Variants in FAT3 observed in about 807,000 individuals in gnomAD.
FAT3 encodes protocadherin Fat 3.
A neutral mutation model predicts 310.2 loss-of-function variants in FAT3; 95 were observed. That is an observed-to-expected ratio of 0.31 (90% CI 0.26 to 0.36). FAT3 has a LOEUF of 0.36. Among genes scored for constraint, FAT3 ranks in the 10% least tolerant of loss-of-function variants. The pLI is 1.00. For missense variants in FAT3, 5,408 were observed against 5,715.6 expected (o/e 0.95, Z 1.74); for synonymous variants, 2,314 against 2,192.9 (o/e 1.06, Z -1.54).
rs369227298 is a variant in FAT3 at position 92,799,663 on chromosome 11, G to T, written c.6650G>T (p.Gly2217Val). The T allele has an allele frequency of 3.7e-6, 6 of 1,613,534 alleles. No homozygotes were observed. The African/African-American group carries it at 4.0e-5, about 11-fold the overall frequency. The change falls in exon 10 of 28, where the codon GGC (glycine) becomes GTC (valine). Residue 2217 changes from glycine (G) to valine (V), a missense_variant. By Grantham distance (109) the Gly-to-Val change is moderately radical (BLOSUM62 -3). Around this residue, in one of 5 missense-constraint regions of FAT3, gnomAD observed 4,588 missense variants for 4,809.8 expected, o/e 0.95. Transcript: ENST00000525166. ...AATGCCACCAGTCCAGAAGGCCAAG[G>T]CATCATATATATCATTATCGATGGG... ...SINATSPEGQ[G>V]IIYIIIDGDP...
chr11:92,748,302 T>C (rs1945733342), intron 4 of FAT3, among the ~76,000 whole-genome samples: 1 of 152,130 alleles, frequency 6.6e-6, no homozygotes, highest in African/African-American at 2.4e-5. Context: ...GAGAACAGTA[T>C]GGGGAAAACC....
chr11:92,710,522 G>T (rs149739333), intron 4 of FAT3, among the ~76,000 whole-genome samples: 4 of 152,184 alleles, frequency 2.6e-5, no homozygotes, highest in African/African-American at 9.7e-5. Context: ...AGACATAACC[G>T]CAGCAGACAG....
Position 92,229,492 on chromosome 11 carries a change from G to GTTTTTTTT in FAT3, c.-18+4325_-18+4332dup, listed in dbSNP as rs780129800. Among the ~76,000 whole-genome samples, 90 of 60,202 alleles carry GTTTTTTTT rather than the reference G, an allele frequency of 1.5e-3. 5 individuals carry two copies. Among genetic ancestry groups the GTTTTTTTT allele is most frequent in the African/African-American group, 4.9e-3 (82 of 16,828 alleles). The allele number at this position is 60,202 out of a possible 152,430, so 39.5% of individuals were successfully genotyped here. On this transcript the variant is annotated intron_variant, in intron 1 of 27. Transcript: ENST00000525166. ...TTGTTTTCTTTTTTTGTTTTTTCGT[G>GTTTTTTTT]TTTTTTTTTTTTTTGTTTTTTGTTT...
intron 3 of FAT3, among the ~76,000 whole-genome samples, chr11:92,660,685 C>G (rs1240597644): frequency 6.6e-6 from 1 of 152,176 alleles, no homozygotes; most frequent in Non-Finnish European, 1.5e-5. Flanking sequence ...CTCTGGGTCT[C>G]TCATGCTGTG....
intron 2 of FAT3, among the ~76,000 whole-genome samples, chr11:92,449,362 G>A (rs1257871994): frequency 2.0e-5 from 3 of 152,098 alleles, no homozygotes; most frequent in African/African-American, 7.2e-5. Context: ...TCCTCACTTG[G>A]CCCCCTGACC....
chr11:92,488,891 A>T (rs112050015), intron 2 of FAT3, among the ~76,000 whole-genome samples: 1 of 152,086 alleles, frequency 6.6e-6, no homozygotes, highest in African/African-American at 2.4e-5. Flanking sequence ...TAACCTTTCT[A>T]TGTCTCCATT....
At position 92,530,815 on chromosome 11, in the gene FAT3, C is replaced by T. The variant is rs57436248; in HGVS notation, c.3607+5867C>T. On this transcript the variant is annotated intron_variant, in intron 3 of 27. Coordinates refer to ENST00000525166, the MANE Select transcript of FAT3 (RefSeq NM_001367949.2). ...TTAAGCCTTGTGTTTATGCACAGTT[C>T]CATGTGGTGGTAATCTGCTTAGAAA... Among the ~76,000 whole-genome samples, 112 of 151,658 alleles carry T rather than the reference C, an allele frequency of 7.4e-4. 1 individual carries two copies. In the East Asian group the frequency reaches 0.019, roughly 25 times the overall value.
chr11:92,537,729 A>G (rs1194861107), intron 3 of FAT3, among the ~76,000 whole-genome samples: 3 of 152,158 alleles, frequency 2.0e-5, no homozygotes, highest in African/African-American at 7.2e-5. Flanking sequence ...ATTCCCTAAT[A>G]TACCCTTGTA....
chr11:92,684,860 T>G (rs534960822), intron 3 of FAT3, among the ~76,000 whole-genome samples: 63 of 152,310 alleles, frequency 4.1e-4, no homozygotes, highest in Admixed American at 9.2e-4. Flanking sequence ...AACAAGAAAC[T>G]AAAATGCCAC....
chr11:92,852,487 T>C (rs780059994), intron 19 of FAT3, among the ~76,000 whole-genome samples: 2 of 152,088 alleles, frequency 1.3e-5, no homozygotes, highest in Admixed American at 6.5e-5. Flanking sequence ...GGCTGAGCAT[T>C]TCCAGGCTGG....
chr11:92,583,499 C>T (rs1938936046), intron 3 of FAT3, among the ~76,000 whole-genome samples: 1 of 151,980 alleles, frequency 6.6e-6, no homozygotes, highest in South Asian at 2.1e-4. Flanking sequence ...AATCTGTCTC[C>T]AGGAACCTTA....
chr11:92,545,959 A>G (rs1020589944), intron 3 of FAT3, among the ~76,000 whole-genome samples: 14 of 152,162 alleles, frequency 9.2e-5, no homozygotes, highest in Non-Finnish European at 1.5e-5. Flanking sequence ...GATCCTGGAA[A>G]CATTCACAGC....
chr11:92,758,252 A>T (rs3912652), intron 4 of FAT3, among the ~76,000 whole-genome samples: 4 of 152,004 alleles, frequency 2.6e-5, no homozygotes, highest in African/African-American at 9.7e-5. Flanking sequence ...TTGAATGGAG[A>T]TCAACAAGCA....
intron 1 of FAT3, among the ~76,000 whole-genome samples, chr11:92,268,168 TG>T (rs1189595483): frequency 2.0e-5 from 3 of 152,130 alleles, no homozygotes; most frequent in Non-Finnish European, 4.4e-5. Flanking sequence ...ATCTTAGCCC[TG>T]ACAGATAGCT....
intron 3 of FAT3, among the ~76,000 whole-genome samples, chr11:92,685,637 A>G (rs1217766403): frequency 6.6e-6 from 1 of 150,886 alleles, no homozygotes; most frequent in Non-Finnish European, 1.5e-5. Context: ...TATTTAGTCA[A>G]TAGACCAATA....
chr11:92,514,283 C>T (rs1953404186), intron 2 of FAT3, among the ~76,000 whole-genome samples: 1 of 152,188 alleles, frequency 6.6e-6, no homozygotes, highest in East Asian at 1.9e-4. Flanking sequence ...TGGGTCTGCT[C>T]CTGCCTTTAT....
intron 19 of FAT3, 140 bp downstream of exon 19, chr11:92,844,872 T>C: frequency 9.4e-7 from 1 of 1,065,540 alleles, no homozygotes; most frequent in Middle Eastern, 3.1e-4. Context: ...AAAGCCATGA[T>C]AGATGCTGGG....
At chr11:92,856,676 G>C (rs1057181709) in intron 19 of FAT3, among the ~76,000 whole-genome samples, 1 of 152,146 alleles carries the variant, frequency 6.6e-6, no homozygotes, top group South Asian at 2.1e-4. Context: ...TAGTAGAAGG[G>C]ATTAGGAAAC....
rs1471423292 is a variant in FAT3 at position 92,354,728 on chromosome 11, A to C, written c.2616A>C (p.Thr872=). 23 of 1,613,944 alleles carry C rather than the reference A, an allele frequency of 1.4e-5. No individual in the cohort carries two copies. ...SNGEVTYSVL[T]DTQQFAINSS... is the part of the protein sequence containing the mutation. ...GTGAAGTGACTTACTCAGTCTTGAC[A>C]GATACACAGCAGTTTGCCATCAATA... is the stretch of plus-strand genomic sequence containing the variant. The change falls in exon 2 of 28, where the codon ACA becomes ACC. Residue 872 remains threonine, a synonymous_variant. Transcript: ENST00000525166.
Sources: allele counts gnomAD v4.1 joint callset (sites outside exome capture counted in the v4.1 genomes callset), GRCh38; gene constraint gnomAD v4.1.1; regional missense constraint gnomAD v4.1.1; transcripts MANE v1.5; gene names NCBI Gene and HGNC (gene_info 2026-07-23, HGNC 2026-07-21).